The following ZNF469 variants were observed in gnomAD, a reference collection of about 807,000 sequenced individuals.
The protein encoded by ZNF469 is zinc finger protein 469.
In ZNF469, 1 loss-of-function variant was observed where a neutral mutation model predicts 1.0. The observed-to-expected ratio is 1.00, with a 90% confidence interval of 0.35 to 4.73. The LOEUF (loss-of-function observed/expected upper bound fraction) is 4.73. ZNF469 is among the 30% of genes most tolerant of loss of function. The pLI, the probability that ZNF469 is intolerant of heterozygous loss-of-function variation, is 0.16. For synonymous variants in ZNF469, 2,703 were observed against 2,363.4 expected (o/e 1.14, Z -4.17); for missense variants, 6,100 against 5,356.3 (o/e 1.14, Z -4.33).
chr16:88,370,955 G>A, the ZNF469 span, among the ~76,000 whole-genome samples: 139 of 152,366 alleles, frequency 9.1e-4, no homozygotes, highest in African/African-American at 3.2e-3. Context: ...CCTGCTGGAG[G>A]ATGGGAGGCA....
the ZNF469 span, among the ~76,000 whole-genome samples, chr16:88,145,640 G>T: frequency 2.0e-4 from 30 of 152,352 alleles, no homozygotes; most frequent in South Asian, 8.3e-4. Context: ...TCCCCTAGGG[G>T]CCCAGTGAAG....
chr16:88,331,099 T>C, the ZNF469 span, among the ~76,000 whole-genome samples: 1 of 147,714 alleles, frequency 6.8e-6, no homozygotes, highest in African/African-American at 2.5e-5. Context: ...ACTATCACCA[T>C]TGTCACCATC....
In ZNF469 at chr16:88,429,902, C is replaced by T. The variant is rs1319012626; in HGVS notation, c.2432C>T (p.Pro811Leu). ...GCCCAGGCCGAGGGCAAAGACGACC[C>T]CCTGAGGACAGGCTTCCTGCCCAGC... ...GDAQAEGKDD[P>L]LRTGFLPSLA... is the part of the protein sequence containing the mutation. The change falls in exon 3 of 3, where the codon CCC (proline) becomes CTC (leucine). Residue 811 changes from proline (P) to leucine (L), a missense_variant. Physicochemically the swap from Pro to Leu is moderately conservative, Grantham distance 98. Transcript: ENST00000565624. The T allele has an allele frequency of 1.3e-6, 2 of 1,550,114 alleles. No individual in the cohort carries two copies. The highest frequency in any genetic ancestry group is 1.7e-6 in the Non-Finnish European group (2 of 1,146,922).
At chr16:88,176,467 C>T in the ZNF469 span, among the ~76,000 whole-genome samples, 1 of 151,906 alleles carries the variant, frequency 6.6e-6, no homozygotes, top group Non-Finnish European at 1.5e-5. Context: ...TTCTGCAGTG[C>T]CAAGGAGCTT....
chr16:88,280,120 C>T, the ZNF469 span, among the ~76,000 whole-genome samples: 1 of 151,660 alleles, frequency 6.6e-6, no homozygotes, highest in South Asian at 2.1e-4. Context: ...TAGTGCTGTG[C>T]CATGCTGACG....
the ZNF469 span, among the ~76,000 whole-genome samples, chr16:88,320,505 T>C: frequency 1.3e-5 from 2 of 152,192 alleles, no homozygotes; most frequent in East Asian, 3.8e-4. Context: ...TGCCTCAGCC[T>C]CCAGAGTAGC....
At chr16:88,359,422 A>C in the ZNF469 span, among the ~76,000 whole-genome samples, 1 of 150,966 alleles carries the variant, frequency 6.6e-6, no homozygotes, top group Non-Finnish European at 1.5e-5. Flanking sequence ...TATCCTGCCC[A>C]CATTTGCTAT....
At chr16:88,174,020 A>G in the ZNF469 span, among the ~76,000 whole-genome samples, 1 of 152,234 alleles carries the variant, frequency 6.6e-6, no homozygotes, top group Non-Finnish European at 1.5e-5. Flanking sequence ...ATTAAATGTA[A>G]ATTATCTAAC....
chr16:88,242,546 C>T, the ZNF469 span, among the ~76,000 whole-genome samples: 1 of 152,222 alleles, frequency 6.6e-6, no homozygotes, highest in African/African-American at 2.4e-5. Flanking sequence ...CCTCTCTAAG[C>T]CTGTCTCCAA....
At chr16:88,325,023 G>A in the ZNF469 span, among the ~76,000 whole-genome samples, 57 of 152,150 alleles carry the variant, frequency 3.7e-4, no homozygotes, top group African/African-American at 1.3e-3. Flanking sequence ...GGGAGCAGGA[G>A]GAAAAGAGAG....
At chr16:88,377,557 A>G in the ZNF469 span, among the ~76,000 whole-genome samples, 2 of 152,144 alleles carry the variant, frequency 1.3e-5, no homozygotes, top group African/African-American at 2.4e-5. Flanking sequence ...GTCACGCGCC[A>G]CCATCCGTCT....
At chr16:88,419,074 C>T (rs781186872) in intron 1 of ZNF469, among the ~76,000 whole-genome samples, 1 of 152,198 alleles carries the variant, frequency 6.6e-6, no homozygotes, top group Non-Finnish European at 1.5e-5. Flanking sequence ...GGGGCACAGC[C>T]GAACTCCTCC....
chr16:88,400,724 A>C (rs1904829442), intron 1 of ZNF469, among the ~76,000 whole-genome samples: 1 of 126,160 alleles, frequency 7.9e-6, no homozygotes, highest in Non-Finnish European at 1.7e-5. Flanking sequence ...CTGGGATGGC[A>C]CCCAAGGTCA....
chr16:88,121,013 A>G, the ZNF469 span, among the ~76,000 whole-genome samples: 1 of 151,026 alleles, frequency 6.6e-6, no homozygotes, highest in African/African-American at 2.4e-5. Context: ...CCTCTCCTTC[A>G]CTGGGATGGC....
At chr16:88,130,687 C>T in the ZNF469 span, among the ~76,000 whole-genome samples, 1 of 116,440 alleles carries the variant, frequency 8.6e-6, no homozygotes, top group Non-Finnish European at 1.7e-5. Flanking sequence ...GCCTGGGCCA[C>T]AAGAGTGAAA....
chr16:88,307,547 TG>T, the ZNF469 span, among the ~76,000 whole-genome samples: 1 of 152,242 alleles, frequency 6.6e-6, no homozygotes. Context: ...CTCCTGGGTG[TG>T]AAGTGGCATC....
In ZNF469 at chr16:88,437,093, G is replaced by A. The variant is rs756776866; in HGVS notation, c.9623G>A (p.Arg3208Gln). 2.8e-5 allele frequency: 43 copies of A among 1,545,618 alleles called. No homozygotes were observed. The highest frequency in any genetic ancestry group is 3.6e-5 in the Non-Finnish European group (41 of 1,146,066). Residue 3208 changes from arginine (R) to glutamine (Q), a missense_variant, in exon 3 of 3, where the codon CGG (arginine) becomes CAG (glutamine). Coordinates refer to ENST00000565624, the MANE Select transcript of ZNF469 (RefSeq NM_001367624.2). ...CGCTTCGCCCGCAGGGGGCAGGCGCGGAGGTCCTTGGGGGACCTGCCCGGA... is the reference window on the plus strand; with the variant it reads ...CGCTTCGCCCGCAGGGGGCAGGCGCAGAGGTCCTTGGGGGACCTGCCCGGA... The part of the protein sequence containing the change: ...AVRFARRGQA[R>Q]RSLGDLPGGL...
chr16:88,327,866 A>G, the ZNF469 span, among the ~76,000 whole-genome samples: 1 of 152,272 alleles, frequency 6.6e-6, no homozygotes, highest in South Asian at 2.1e-4. Context: ...TGGGGCCCAC[A>G]CACCCACCGG....
chr16:88,436,023 C>G lies in ZNF469; in HGVS notation c.8553C>G (p.Ser2851Arg). Residue 2851 changes from serine to arginine, a missense_variant, in exon 3 of 3, where the codon AGC becomes AGG. Ser to Arg is a moderately radical substitution (Grantham distance 110). Coordinates refer to ENST00000565624, the MANE Select transcript of ZNF469 (RefSeq NM_001367624.2). Reference protein sequence around the residue: ...ASGSSAKDPPSLFDDEVSFSQ... With the variant: ...ASGSSAKDPPRLFDDEVSFSQ... ...GCTCCAGTGCCAAGGATCCTCCAAG[C>G]TTGTTTGATGATGAGGTCTCTTTCT... 1.9e-6 allele frequency: 3 copies of G among 1,550,312 alleles called. No individual in the cohort carries two copies. The highest frequency in any genetic ancestry group is 1.7e-6 in the Non-Finnish European group (2 of 1,146,998).
Sources: gnomAD v4.1 joint callset for allele counts (sites outside exome capture counted in the v4.1 genomes callset) on GRCh38, gnomAD v4.1.1 for gene constraint, MANE v1.5 for transcripts, NCBI Gene and HGNC (gene_info 2026-07-23, HGNC 2026-07-21) for gene names.